The following RBL1 variants were observed in gnomAD, a reference collection of about 807,000 sequenced individuals.
The protein encoded by RBL1 is retinoblastoma-like protein 1.
RBL1 carries 82 observed loss-of-function variants against 123.0 expected under a neutral mutation model. The observed-to-expected ratio is 0.67, with a 90% CI of 0.56 to 0.80. RBL1 has a LOEUF of 0.80. Among genes scored for constraint, RBL1 ranks in the 30% least tolerant of loss-of-function variants. RBL1 has a pLI of 0.00. For synonymous variants in RBL1, 405 were observed against 441.3 expected (o/e 0.92, Z 1.03); for missense variants, 1,171 against 1,299.6 (o/e 0.90, Z 1.52).
In RBL1 at chr20:37,002,757, G is replaced by A. The variant is rs73620253; in HGVS notation, c.3036+945C>T. On this transcript the variant is annotated intron_variant, in intron 21 of 21. Coordinates refer to ENST00000373664, the MANE Select transcript of RBL1 (RefSeq NM_002895.5). ...TTTTGAGACAGAGTCTCGTTCTGTC[G>A]CCCAGGCTGGAGTGCAAAGGGGTGA... is the stretch of plus-strand genomic sequence containing the variant. Among the ~76,000 whole-genome samples the A allele has an allele frequency of 9.2e-4, 138 of 150,020 alleles. 4 individuals carry two copies. In the East Asian group the frequency reaches 0.024, roughly 26 times the overall value.
intron 9 of RBL1, among the ~76,000 whole-genome samples, chr20:37,060,802 A>AT (rs1046292430): frequency 5.9e-5 from 9 of 151,946 alleles, no homozygotes; most frequent in African/African-American, 2.2e-4. Flanking sequence ...ACAAAAAAAA[A>AT]GGGAGAGATA....
intron 19 of RBL1, among the ~76,000 whole-genome samples, chr20:37,015,215 G>C (rs1341409083): frequency 6.6e-6 from 1 of 151,992 alleles, no homozygotes; most frequent in Non-Finnish European, 1.5e-5. Flanking sequence ...AAACGACATC[G>C]TCTATTATCT....
chr20:37,081,192 C>A, intron 2 of RBL1, among the ~76,000 whole-genome samples: 1 of 152,160 alleles, frequency 6.6e-6, no homozygotes, highest in South Asian at 2.1e-4. Flanking sequence ...CAGCTTTGGT[C>A]CTTTGTAATA....
rs1024129884 is a variant in RBL1 at position 37,094,175 on chromosome 20, T to C, written c.156+1598A>G. Among the ~76,000 whole-genome samples, 5 of 152,280 alleles carry C rather than the reference T, an allele frequency of 3.3e-5. No homozygotes were observed. In the South Asian group the frequency reaches 1.0e-3, roughly 32 times the overall value. ...AACAGGTGCATGCCTTGACCATAGT[T>C]TGACACAGTAAATGCTTATTCAATG... On this transcript the variant is annotated intron_variant, in intron 1 of 21. Coordinates refer to ENST00000373664, the MANE Select transcript of RBL1 (RefSeq NM_002895.5).
chr20:37,060,040 C>T (rs1485330682), intron 9 of RBL1, among the ~76,000 whole-genome samples: 1 of 151,922 alleles, frequency 6.6e-6, no homozygotes, highest in African/African-American at 2.4e-5. Flanking sequence ...GGCGTGGTGG[C>T]GCACGCCTGT....
intron 17 of RBL1, chr20:37,021,911 A>C (rs2064347315): frequency 6.3e-6 from 1 of 159,710 alleles, no homozygotes; most frequent in Admixed American, 6.2e-5. Flanking sequence ...TTTTACATCA[A>C]ACCAATCTTT....
chr20:37,095,180 T>C (rs1318010661), intron 1 of RBL1, among the ~76,000 whole-genome samples: 2 of 152,182 alleles, frequency 1.3e-5, no homozygotes, highest in African/African-American at 4.8e-5. Context: ...AGGGCTGAGA[T>C]CAGCTTCGTG....
chr20:37,002,100 T>G (rs932800863), intron 21 of RBL1, among the ~76,000 whole-genome samples: 1 of 151,844 alleles, frequency 6.6e-6, no homozygotes, highest in Non-Finnish European at 1.5e-5. Context: ...GGGCATGATC[T>G]TGGCTCACTG....
chr20:37,073,761 G>A (rs1404507161), intron 2 of RBL1, among the ~76,000 whole-genome samples: 3 of 148,870 alleles, frequency 2.0e-5, no homozygotes, highest in Non-Finnish European at 4.4e-5. Flanking sequence ...GCATGTACCT[G>A]TAGTCCCAGC....
At chr20:37,016,954 T>C (rs1310223624) in intron 19 of RBL1, among the ~76,000 whole-genome samples, 1 of 103,654 alleles carries the variant, frequency 9.6e-6, no homozygotes, top group African/African-American at 3.8e-5. Flanking sequence ...GGGATGGGGA[T>C]GGGAAGAAGA....
chr20:37,094,220 G>T (rs982234540), intron 1 of RBL1, among the ~76,000 whole-genome samples: 1 of 152,188 alleles, frequency 6.6e-6, no homozygotes, highest in African/African-American at 2.4e-5. Context: ...GTGACCTTGG[G>T]CAAGAGAGAC....
chr20:37,050,314 C>T (rs562572668), intron 11 of RBL1, among the ~76,000 whole-genome samples: 50 of 151,774 alleles, frequency 3.3e-4, no homozygotes, highest in African/African-American at 1.1e-3. Context: ...GAGGCCGAGA[C>T]GGGCAGATCA....
Position 37,061,266 on chromosome 20 carries a change from T to C in RBL1, c.1087A>G (p.Arg363Gly), listed in dbSNP as rs200395585. The C allele has an allele frequency of 1.2e-6, 2 of 1,604,638 alleles. No individual in the cohort carries two copies. The highest frequency in any genetic ancestry group is 8.5e-7 in the Non-Finnish European group (1 of 1,175,264). Reference sequence around the variant, plus strand: ...AGTGGGGTAGAAGGTGCAAATGACCTTTTCTGTCAGAAAAGAAAAATCCGT... The same window carrying C: ...AGTGGGGTAGAAGGTGCAAATGACCCTTTCTGTCAGAAAAGAAAAATCCGT... ...YNLQQHFEKK[R>G]SFAPSTPLTG... is the part of the protein sequence containing the mutation. Residue 363 changes from arginine to glycine, a missense_variant, in exon 9 of 22, where the codon AGG becomes GGG. Coordinates refer to ENST00000373664, the MANE Select transcript of RBL1 (RefSeq NM_002895.5).
intron 2 of RBL1, among the ~76,000 whole-genome samples, chr20:37,082,980 C>T (rs2065476018): frequency 1.3e-5 from 2 of 152,032 alleles, no homozygotes; most frequent in East Asian, 1.9e-4. Flanking sequence ...CTAGCCTGGG[C>T]AACAGAGTAA....
chr20:37,056,297 AAAAC>A (rs751240972), intron 9 of RBL1, 39 bp from the exon 10 acceptor site: 31 of 1,542,956 alleles, frequency 2.0e-5, no homozygotes, highest in South Asian at 8.5e-5. Context: ...AAACCAAACA[AAAAC>A]AAACAAACAA....
Position 37,003,857 on chromosome 20 carries a change from G to A in RBL1, c.2881C>T (p.Pro961Ser), listed in dbSNP as rs573304954. 9 of 1,605,708 alleles carry A rather than the reference G, an allele frequency of 5.6e-6. No homozygotes were observed. Among genetic ancestry groups the A allele is most frequent in the African/African-American group, 2.7e-5 (2 of 74,602 alleles). ...ATATGTGGAAAAGGAGAGAGTGGTG[G>A]AGCATCCATCTAAAATAACCCAAAA... ...LANQDHMMDA[P>S]PLSPFPHIKQ... is the part of the protein sequence containing the mutation. The change falls in exon 21 of 22, where the codon CCA becomes TCA. Residue 961 changes from proline to serine, a missense_variant. Pro to Ser is a moderately conservative substitution (Grantham distance 74). Coordinates refer to ENST00000373664, the MANE Select transcript of RBL1 (RefSeq NM_002895.5).
At chr20:37,071,733 A>C in intron 2 of RBL1, among the ~76,000 whole-genome samples, 1 of 152,122 alleles carries the variant, frequency 6.6e-6, no homozygotes, top group Non-Finnish European at 1.5e-5. Flanking sequence ...ATCCCTCATG[A>C]ATGGCTTGGT....
chr20:37,065,366 A>C, intron 7 of RBL1, 58 bp downstream of exon 7: 3 of 1,314,392 alleles, frequency 2.3e-6, no homozygotes, highest in African/African-American at 1.5e-5. Flanking sequence ...AAATTTCAAC[A>C]AATCAACAAA....
chr20:37,001,935 A>C (rs1459332433), intron 21 of RBL1, among the ~76,000 whole-genome samples: 22 of 151,256 alleles, frequency 1.5e-4, no homozygotes, highest in African/African-American at 2.7e-4. Context: ...AAAAAAAAAA[A>C]AAAAAAACAA....
Sources: gnomAD v4.1 joint callset for allele counts (sites outside exome capture counted in the v4.1 genomes callset) on GRCh38, gnomAD v4.1.1 for gene constraint, MANE v1.5 for transcripts, NCBI Gene and HGNC (gene_info 2026-07-23, HGNC 2026-07-21) for gene names.